SEPTIN12: variants seen among roughly 807,000 people sequenced by gnomAD.
SEPTIN12 encodes septin-12.
A neutral mutation model predicts 37.7 loss-of-function variants in SEPTIN12; 42 were observed. That is an observed-to-expected ratio of 1.11 (90% CI 0.87 to 1.44). SEPTIN12 has a LOEUF of 1.44. Among genes scored for constraint, SEPTIN12 ranks in the 40% most tolerant of loss-of-function variants. The pLI is 0.00. For missense variants in SEPTIN12, 613 were observed against 479.2 expected, an observed-to-expected ratio of 1.28 and a Z score of -2.61; for synonymous variants, 254 against 196.7, an observed-to-expected ratio of 1.29 and a Z score of -2.44.
rs758666123 is a variant in SEPTIN12, at chr16:4,783,471, G to C, written c.717C>G (p.Ser239Arg). The C allele has an allele frequency of 1.2e-6, 2 of 1,613,724 alleles. No individual in the cohort carries two copies. The highest frequency in any genetic ancestry group is 1.3e-5 in the African/African-American group (1 of 75,044). ...CCCCACAGCCTCTCACCCGTAACTTGCTGTTGAGGATTTTGTCATTGATGT... is the reference window on the plus strand; with the variant it reads ...CCCCACAGCCTCTCACCCGTAACTTCCTGTTGAGGATTTTGTCATTGATGT... Reference protein sequence around the residue: ...DEDINDKILNSKLRDRIPFAV... With the variant: ...DEDINDKILNRKLRDRIPFAV... The change falls in exon 7 of 10, where the codon AGC becomes AGG. Residue 239 changes from serine to arginine, a missense_variant. Transcript: ENST00000268231.
rs772579804 is a variant in SEPTIN12, at chr16:4,787,568, C to T, written c.78G>A (p.Met26Ile). 9.3e-6 allele frequency: 15 copies of T among 1,610,674 alleles called. No individual in the cohort carries two copies. The highest frequency in any genetic ancestry group is 2.7e-5 in the African/African-American group (2 of 74,926). ...PSSPSTPPCE[M>I]LGPVGIEAVL... ...CAGCCTCAATGCCCACAGGACCAAG[C>T]ATCTCGCAGGGTGGGGTGCTGGGGC... Residue 26 changes from methionine (M) to isoleucine (I), a missense_variant, in exon 2 of 10, where the codon ATG becomes ATA. Coordinates refer to ENST00000268231, the MANE Select transcript of SEPTIN12 (RefSeq NM_144605.5).
chr16:4,779,750 C>G lies in SEPTIN12; in HGVS notation c.763G>C (p.Glu255Gln), dbSNP rs1359443784. ...IPFAVVGADQ[E>Q]HLVNGRCVLG... Reference sequence around the variant, plus strand: ...ACACACCTCCCGTTCACCAGGTGCTCTTGGTCAGCCCCTACCACGGCAAAA... The same window carrying G: ...ACACACCTCCCGTTCACCAGGTGCTGTTGGTCAGCCCCTACCACGGCAAAA... The change falls in exon 8 of 10, where the codon GAG becomes CAG. Residue 255 changes from glutamate to glutamine, a missense_variant. By Grantham distance (29) the Glu-to-Gln change is conservative. Transcript: ENST00000268231. The G allele has an allele frequency of 3.7e-6, 6 of 1,613,644 alleles. No individual in the cohort carries two copies. In the Admixed American group the frequency reaches 6.7e-5, roughly 18 times the overall value.
chr16:4,784,041 G>C lies in SEPTIN12; in HGVS notation c.402C>G (p.Asn134Lys). 6.2e-7 allele frequency: 1 copy of C among 1,614,140 alleles called. No individual in the cohort carries two copies. Among genetic ancestry groups the C allele is most frequent in the South Asian group, 1.1e-5 (1 of 91,086 alleles). ...CCTGCAGGTACTGCTCGTATTGCTC[G>C]TTGATGTAGCCCAGGATGGGGTCCC... ...NCWDPILGYINEQYEQYLQEE... is the reference protein window; with the variant it reads ...NCWDPILGYIKEQYEQYLQEE... The change falls in exon 5 of 10, where the codon AAC (asparagine) becomes AAG (lysine). Residue 134 changes from asparagine (N) to lysine (K), a missense_variant. Coordinates refer to ENST00000268231, the MANE Select transcript of SEPTIN12 (RefSeq NM_144605.5).
upstream of SEPTIN12, among the ~76,000 whole-genome samples, chr16:4,790,489 G>A (rs537402225): frequency 6.6e-6 from 1 of 152,228 alleles, no homozygotes; most frequent in Admixed American, 6.6e-5. Flanking sequence ...TAACCTTAAA[G>A]GCTTAGAGGC....
chr16:4,783,997 C>A lies in SEPTIN12; in HGVS notation c.446G>T (p.Arg149Leu), dbSNP rs749491254. The change falls in exon 5 of 10, where the codon CGC becomes CTC. Residue 149 changes from arginine (R) to leucine (L), a missense_variant. Coordinates refer to ENST00000268231, the MANE Select transcript of SEPTIN12 (RefSeq NM_144605.5). ...CCGGGTGTCTGGGATGTGGCGCTGGCGGGTGATGAGGATCTCCTCCTGCAG... is the reference window on the plus strand; with the variant it reads ...CCGGGTGTCTGGGATGTGGCGCTGGAGGGTGATGAGGATCTCCTCCTGCAG... ...QYLQEEILIT[R>L]QRHIPDTRVH... is the part of the protein sequence containing the mutation. 3 of 1,614,126 alleles carry A rather than the reference C, an allele frequency of 1.9e-6. No homozygotes were observed. The highest frequency in any genetic ancestry group is 1.3e-5 in the African/African-American group (1 of 75,048).
intron 1 of SEPTIN12, chr16:4,788,004 G>A (rs1466676183): frequency 4.3e-6 from 1 of 234,886 alleles, no homozygotes; most frequent in African/African-American, 2.3e-5. Flanking sequence ...TTTGCAGCCA[G>A]GCTGGAGTCC....
At chr16:4,783,830 G>T in intron 5 of SEPTIN12, 64 bp from the exon 6 acceptor site, 1 of 1,600,478 alleles carries the variant, frequency 6.2e-7, no homozygotes, top group Non-Finnish European at 8.6e-7. Flanking sequence ...ACAGCAGCAG[G>T]GCACGGGGGT....
chr16:4,778,629 C>T lies in SEPTIN12; in HGVS notation c.824-492G>A, dbSNP rs962757424. Among the ~76,000 whole-genome samples the T allele has an allele frequency of 1.7e-4, 25 of 151,150 alleles. 1 individual carries two copies. Among genetic ancestry groups the T allele is most frequent in the Non-Finnish European group, 8.8e-5 (6 of 67,880 alleles). On this transcript the variant is annotated intron_variant, in intron 8 of 9. Coordinates refer to ENST00000268231, the MANE Select transcript of SEPTIN12 (RefSeq NM_144605.5). ...CAGCCTGGACGACATAGTGAAGCCC[C>T]GTCTCTACTAAAAATACAAAAATTA...
intron 4 of SEPTIN12, chr16:4,784,388 T>C (rs2082410939): frequency 9.0e-6 from 3 of 334,244 alleles, no homozygotes; most frequent in Non-Finnish European, 1.7e-5. Context: ...TCGCGCCTGA[T>C]GGTTGCAGGG....
At chr16:4,790,790 G>GTAAATAAA (rs574580783), upstream of SEPTIN12, among the ~76,000 whole-genome samples, 21 of 152,132 alleles carry the variant, frequency 1.4e-4, no homozygotes, top group Non-Finnish European at 2.5e-4. Flanking sequence ...CCCTAGCTCA[G>GTAAATAAA]TAAATAAATA....
intron 2 of SEPTIN12, 22 bp from the exon 3 acceptor site, chr16:4,786,127 C>A (rs972352154): frequency 6.3e-7 from 1 of 1,584,200 alleles, no homozygotes; most frequent in East Asian, 2.3e-5. Flanking sequence ...AACCGGATGA[C>A]AGCAGTTAGG....
chr16:4,787,150 A>G (rs940545414), intron 2 of SEPTIN12, among the ~76,000 whole-genome samples: 3 of 151,962 alleles, frequency 2.0e-5, no homozygotes, highest in Non-Finnish European at 4.4e-5. Flanking sequence ...TGCTGGAATT[A>G]CAGGCTTGAG....
intron 7 of SEPTIN12, 81 bp downstream of exon 7, chr16:4,783,381 T>C: frequency 9.6e-7 from 1 of 1,039,206 alleles, no homozygotes; most frequent in Non-Finnish European, 1.5e-6. Flanking sequence ...CCCTGAGATG[T>C]AGAGAAAGAT....
intron 8 of SEPTIN12, among the ~76,000 whole-genome samples, chr16:4,779,104 C>A (rs1213849045): frequency 6.6e-6 from 1 of 151,718 alleles, no homozygotes; most frequent in African/African-American, 2.4e-5. Flanking sequence ...CGCCACCGCA[C>A]TCCAGCTCGG....
At position 4,785,813 on chromosome 16, in the gene SEPTIN12, T is replaced by C. The variant is rs2082432701; in HGVS notation, c.368A>G (p.Asp123Gly). Residue 123 changes from aspartate to glycine, a missense_variant, in exon 4 of 10, where the codon GAC becomes GGC. Coordinates refer to ENST00000268231, the MANE Select transcript of SEPTIN12 (RefSeq NM_144605.5). ...AAAAAGAGAGAGAACCTACCAGTTG[T>C]CATTGTTGATCTGGTCCCCGAAGCC... Reference protein sequence around the residue: ...TPGFGDQINNDNCWDPILGYI... With the variant: ...TPGFGDQINNGNCWDPILGYI... 2.5e-6 allele frequency: 4 copies of C among 1,602,194 alleles called. No individual in the cohort carries two copies. Among genetic ancestry groups the C allele is most frequent in the Non-Finnish European group, 3.4e-6 (4 of 1,172,326 alleles).
upstream of SEPTIN12, among the ~76,000 whole-genome samples, chr16:4,791,718 C>G (rs141425796): frequency 5.6e-3 from 860 of 152,276 alleles, 4 homozygotes; most frequent in South Asian, 0.014. Context: ...GACACAGTCT[C>G]ACTCTGTCAC....
chr16:4,782,098 G>A (rs1295955093), intron 7 of SEPTIN12, among the ~76,000 whole-genome samples: 1 of 151,370 alleles, frequency 6.6e-6, no homozygotes, highest in Non-Finnish European at 1.5e-5. Flanking sequence ...TTACAGGTGC[G>A]TGCCACCACA....
intron 7 of SEPTIN12, among the ~76,000 whole-genome samples, chr16:4,780,145 C>T (rs1362672671): frequency 6.6e-6 from 1 of 152,048 alleles, no homozygotes; most frequent in Non-Finnish European, 1.5e-5. Context: ...TAGCTCACAC[C>T]TATAATCCCA....
chr16:4,779,878 C>T (rs751131586), intron 7 of SEPTIN12, 92 bp from the exon 8 acceptor site: 2 of 806,098 alleles, frequency 2.5e-6, no homozygotes, highest in Non-Finnish European at 4.3e-6. Context: ...GAGGGGAGTC[C>T]TATCCTTTTC....
Sources: allele counts gnomAD v4.1 joint callset (sites outside exome capture counted in the v4.1 genomes callset), GRCh38; gene constraint gnomAD v4.1.1; transcripts MANE v1.5; gene names NCBI Gene and HGNC (gene_info 2026-07-23, HGNC 2026-07-21).